The following KCNT2 variants were observed in gnomAD, a reference collection of about 807,000 sequenced individuals.
KCNT2 encodes the protein potassium channel subfamily T member 2.
Under a neutral mutation model 153.8 loss-of-function variants are expected in KCNT2, and 67 were observed. That is an observed-to-expected ratio of 0.44 (90% CI 0.36 to 0.53). The LOEUF (loss-of-function observed/expected upper bound fraction) is 0.53. Ranked by LOEUF, KCNT2 falls within the 20% of genes least tolerant of loss-of-function variation. The probability of loss-of-function intolerance (pLI) is 0.00; values close to 1 mark genes in which losing one functional copy is unlikely to be tolerated. For missense variants in KCNT2, 975 were observed against 1,354.8 expected, an observed-to-expected ratio of 0.72 and a Z score of 4.40; for synonymous variants, 500 against 458.8, an observed-to-expected ratio of 1.09 and a Z score of -1.15.
At chr1:196,516,739 G>A (rs761583754) in intron 1 of KCNT2, among the ~76,000 whole-genome samples, 1 of 152,198 alleles carries the variant, frequency 6.6e-6, no homozygotes, top group African/African-American at 2.4e-5. Context: ...GCTGGCAACA[G>A]GGACAGAGCT....
At chr1:196,515,916 A>G (rs1194472762) in intron 1 of KCNT2, among the ~76,000 whole-genome samples, 1 of 151,952 alleles carries the variant, frequency 6.6e-6, no homozygotes, top group Non-Finnish European at 1.5e-5. Context: ...GATTTTTGCA[A>G]CCCTTAGATC....
intron 2 of KCNT2, among the ~76,000 whole-genome samples, 180 bp from the exon 3 acceptor site, chr1:196,490,117 G>T (rs1354643192): frequency 6.6e-6 from 1 of 151,610 alleles, no homozygotes; most frequent in African/African-American, 2.4e-5. Context: ...CCTGAATATT[G>T]AAACAAAAAG....
intron 1 of KCNT2, among the ~76,000 whole-genome samples, chr1:196,500,744 A>G (rs1680634634): frequency 6.6e-6 from 1 of 152,226 alleles, no homozygotes; most frequent in Non-Finnish European, 1.5e-5. Context: ...CAAAGGAAAC[A>G]AACAGAGTAA....
At position 196,280,970 on chromosome 1, in the gene KCNT2, C is replaced by A; in HGVS notation, c.2800G>T (p.Asp934Tyr). 6 of 1,611,270 alleles carry A rather than the reference C, an allele frequency of 3.7e-6. No individual in the cohort carries two copies. Among genetic ancestry groups the A allele is most frequent in the Non-Finnish European group, 5.1e-6 (6 of 1,177,724 alleles). Residue 934 changes from aspartate to tyrosine, a missense_variant, in exon 25 of 28, where the codon GAC (aspartate) becomes TAC (tyrosine). Physicochemically the swap from Asp to Tyr is radical, Grantham distance 160. Coordinates refer to ENST00000294725, the MANE Select transcript of KCNT2 (RefSeq NM_198503.5). ...CTGGCATAAGTTCTGATCCATAAGT[C>A]ATCTGCAGTGATTTTCATCTATAAC... ...FLCSMKITAD[D>Y]LWIRTYARLY...
chr1:196,295,992 G>A (rs1338509555), intron 22 of KCNT2, among the ~76,000 whole-genome samples: 2 of 151,892 alleles, frequency 1.3e-5, no homozygotes, highest in East Asian at 3.9e-4. Flanking sequence ...CTACTTTGTT[G>A]TTTTGATACA....
chr1:196,424,354 T>C (rs560249619), intron 11 of KCNT2, among the ~76,000 whole-genome samples: 1 of 152,110 alleles, frequency 6.6e-6, no homozygotes, highest in African/African-American at 2.4e-5. Context: ...GTTTATTGTG[T>C]GAAGAACTTA....
intron 8 of KCNT2, among the ~76,000 whole-genome samples, chr1:196,451,790 G>GT (rs1440594689): frequency 6.6e-6 from 1 of 151,662 alleles, no homozygotes; most frequent in Non-Finnish European, 1.5e-5. Flanking sequence ...TGTGTTTACT[G>GT]TTTTTTCTTT....
At chr1:196,425,188 C>T (rs1012165431) in intron 11 of KCNT2, among the ~76,000 whole-genome samples, 1 of 151,936 alleles carries the variant, frequency 6.6e-6, no homozygotes, top group Non-Finnish European at 1.5e-5. Flanking sequence ...CCACGCTATG[C>T]TCAATAATAC....
At chr1:196,597,393 A>G (rs1302898356) in intron 1 of KCNT2, among the ~76,000 whole-genome samples, 1 of 150,688 alleles carries the variant, frequency 6.6e-6, no homozygotes, top group Non-Finnish European at 1.5e-5. Flanking sequence ...TTCCTATGGG[A>G]TATACCTGAA....
Position 196,226,845 on chromosome 1 carries a change from A to G in KCNT2, c.*1379T>C, listed in dbSNP as rs1653527100. 6.6e-6 allele frequency: 1 copy of G among 152,020 alleles called. No individual in the cohort carries two copies. The highest frequency in any genetic ancestry group is 6.6e-5 in the Admixed American group (1 of 15,264). The allele number at this position is 152,020 out of a possible 1,614,324, so 9.4% of individuals were successfully genotyped here. A position where few individuals can be genotyped will look rare whatever the true frequency, so the allele number is the denominator to read the frequency against. ...TGAATTAAACTCAATGTCAAATTCA[A>G]AAATTAAAAAATACAAAATTAGAAC... On this transcript the variant is annotated 3_prime_UTR_variant, in exon 28 of 28. Transcript: ENST00000294725.
chr1:196,342,158 T>C lies in KCNT2; in HGVS notation c.1474A>G (p.Ile492Val). 1 of 1,611,794 alleles carries C rather than the reference T, an allele frequency of 6.2e-7. No homozygotes were observed. The highest frequency in any genetic ancestry group is 1.1e-5 in the South Asian group (1 of 90,610). ...AAAAATGTACTTTCTTCCAAAACAA[T>C]GTGGTAGACTTCATTCCCGGAGCAT... is the stretch of plus-strand genomic sequence containing the variant. ...GRCSGNEVYH[I>V]VLEESTFFAE... is the part of the protein sequence containing the mutation. Residue 492 changes from isoleucine (I) to valine (V), a missense_variant, in exon 15 of 28, where the codon ATT (isoleucine) becomes GTT (valine). Coordinates refer to ENST00000294725, the MANE Select transcript of KCNT2 (RefSeq NM_198503.5).
intron 1 of KCNT2, among the ~76,000 whole-genome samples, chr1:196,578,855 T>C (rs1661687010): frequency 6.6e-6 from 1 of 152,112 alleles, no homozygotes; most frequent in Non-Finnish European, 1.5e-5. Context: ...TAGAGTGAAA[T>C]GAAATAGCAT....
intron 8 of KCNT2, among the ~76,000 whole-genome samples, chr1:196,454,917 G>A (rs977347883): frequency 1.3e-5 from 2 of 151,964 alleles, no homozygotes; most frequent in African/African-American, 4.8e-5. Context: ...CTCTAGGGGA[G>A]AATCTGCTTC....
At chr1:196,498,422 T>C (rs1397149944) in intron 1 of KCNT2, among the ~76,000 whole-genome samples, 2 of 152,158 alleles carry the variant, frequency 1.3e-5, no homozygotes, top group African/African-American at 4.8e-5. Flanking sequence ...TACCAAGTGC[T>C]TTTTCCCTCC....
intron 8 of KCNT2, among the ~76,000 whole-genome samples, chr1:196,448,777 C>T (rs564759484): frequency 7.3e-4 from 111 of 151,770 alleles, no homozygotes; most frequent in African/African-American, 2.4e-3. Flanking sequence ...GAAAGAGGTA[C>T]ACCAAGATAT....
chr1:196,511,131 AC>A (rs1360925517), intron 1 of KCNT2, among the ~76,000 whole-genome samples: 2 of 151,060 alleles, frequency 1.3e-5, no homozygotes, highest in African/African-American at 2.4e-5. Flanking sequence ...ACACACACAC[AC>A]ACACACACAC....
At chr1:196,346,198 A>G (rs1346288312) in intron 14 of KCNT2, among the ~76,000 whole-genome samples, 2 of 152,084 alleles carry the variant, frequency 1.3e-5, no homozygotes, top group Non-Finnish European at 2.9e-5. Flanking sequence ...TTGTTTGTAT[A>G]TTTTTCACTG....
At position 196,526,300 on chromosome 1, in the gene KCNT2, A is replaced by T. The variant is rs1031858041; in HGVS notation, c.96-33959T>A. The stretch of plus-strand genomic sequence containing the variant: ...TTTCAATGCTTATATTTTATAAATT[A>T]TAATATATAAATCATATAAAATATA... On this transcript the variant is annotated intron_variant, in intron 1 of 27. Coordinates refer to ENST00000294725, the MANE Select transcript of KCNT2 (RefSeq NM_198503.5). 4.0e-5 allele frequency among the ~76,000 whole-genome samples: 6 copies of T among 151,042 alleles called. No individual in the cohort carries two copies. In the East Asian group the frequency reaches 9.7e-4, roughly 24 times the overall value.
chr1:196,523,616 AG>A (rs937946430), intron 1 of KCNT2, among the ~76,000 whole-genome samples: 1 of 152,166 alleles, frequency 6.6e-6, no homozygotes, highest in African/African-American at 2.4e-5. Flanking sequence ...TGTTGAGTCC[AG>A]AAAGAAAGAG....
Sources: allele counts gnomAD v4.1 joint callset (sites outside exome capture counted in the v4.1 genomes callset), GRCh38; gene constraint gnomAD v4.1.1; transcripts MANE v1.5; gene names NCBI Gene and HGNC (gene_info 2026-07-23, HGNC 2026-07-21).